The following ZMYM4 variants were observed in gnomAD, a reference collection of about 807,000 sequenced individuals.
ZMYM4 encodes zinc finger MYM-type containing 4.
A neutral mutation model predicts 183.2 loss-of-function variants in ZMYM4; 31 were observed. The observed-to-expected ratio is 0.17, with a 90% CI of 0.13 to 0.23. ZMYM4 has a LOEUF of 0.23. ZMYM4 is among the 10% of genes least tolerant of loss of function. ZMYM4 has a pLI of 1.00. For synonymous variants in ZMYM4, 592 were observed against 631.2 expected, an observed-to-expected ratio of 0.94 and a Z score of 0.93; for missense variants, 1,273 against 1,840.3, an observed-to-expected ratio of 0.69 and a Z score of 5.64.
intron 26 of ZMYM4, among the ~76,000 whole-genome samples, chr1:35,412,660 CT>C (rs1639960664): frequency 6.6e-6 from 1 of 151,866 alleles, no homozygotes; most frequent in South Asian, 2.1e-4. Flanking sequence ...GAATAGTCTA[CT>C]TTTTCTTTAT....
intron 27 of ZMYM4, among the ~76,000 whole-genome samples, chr1:35,414,287 T>C (rs1570557715): frequency 6.6e-6 from 1 of 152,228 alleles, no homozygotes; most frequent in East Asian, 1.9e-4. Context: ...AGATACTGAT[T>C]GCAGAAAATA....
intron 2 of ZMYM4, among the ~76,000 whole-genome samples, chr1:35,339,230 A>G (rs948799176): frequency 6.6e-6 from 1 of 151,980 alleles, no homozygotes; most frequent in Non-Finnish European, 1.5e-5. Context: ...CATAGCATTA[A>G]CATTATATTC....
In ZMYM4 at chr1:35,389,845, A is replaced by G; in HGVS notation, c.2437-103A>G. The G allele has an allele frequency of 8.2e-7, 1 of 1,222,566 alleles. No individual in the cohort carries two copies. The highest frequency in any genetic ancestry group is 2.5e-5 in the East Asian group (1 of 39,544). The allele number at this position is 1,222,566 out of a possible 1,614,324, so 75.7% of individuals were successfully genotyped here. A position where few individuals can be genotyped will look rare whatever the true frequency, so the allele number is the denominator to read the frequency against. On this transcript the variant is annotated intron_variant, in intron 14 of 29. Transcript: ENST00000314607. This position sits in a 1 kb window ranked among gnomAD's most constrained non-coding sequence, Gnocchi z 4.0. ...TAAAGACAAACTAATTTTTTGATCT[A>G]AATTCTAAGTTAATTTCGTCACTTG...
At chr1:35,355,663 G>C (rs184591257) in intron 2 of ZMYM4, among the ~76,000 whole-genome samples, 11 of 151,950 alleles carry the variant, frequency 7.2e-5, no homozygotes, top group Admixed American at 7.2e-4. Flanking sequence ...AGTCACATTT[G>C]ATCTTTTATA....
chr1:35,354,302 T>C (rs1270690441), intron 2 of ZMYM4, among the ~76,000 whole-genome samples: 1 of 152,246 alleles, frequency 6.6e-6, no homozygotes, highest in Non-Finnish European at 1.5e-5. Context: ...AATATTCCAT[T>C]AGAGGTATGT....
At position 35,396,420 on chromosome 1, in the gene ZMYM4, A is replaced by T. The variant is rs369039558; in HGVS notation, c.2912-132A>T. The T allele has an allele frequency of 2.0e-3, 2,546 of 1,246,144 alleles. 11 individuals are homozygous for T. Among genetic ancestry groups the T allele is most frequent in the South Asian group, 5.2e-3 (298 of 57,170 alleles). The allele number at this position is 1,246,144 out of a possible 1,614,324, so 77.2% of individuals were successfully genotyped here. A position where few individuals can be genotyped will look rare whatever the true frequency, so the allele number is the denominator to read the frequency against. ...GCTACTTTAGTTATTTCTCCTTTGT[A>T]AGAAGTCCTGTAGTGTCATAGGTTA... is the stretch of plus-strand genomic sequence containing the variant. On this transcript the variant is annotated intron_variant, in intron 18 of 29. Coordinates refer to ENST00000314607, the MANE Select transcript of ZMYM4 (RefSeq NM_005095.3).
chr1:35,355,254 A>G (rs1643780968), intron 2 of ZMYM4, among the ~76,000 whole-genome samples: 1 of 121,224 alleles, frequency 8.2e-6, no homozygotes. Flanking sequence ...TCACTGTGTT[A>G]GCCAGGATGG....
chr1:35,283,999 T>G (rs57477146), intron 1 of ZMYM4, among the ~76,000 whole-genome samples: 127 of 151,962 alleles, frequency 8.4e-4, no homozygotes, highest in African/African-American at 3.0e-3. Context: ...AGACGGAGTC[T>G]CGCTCTGTCG....
chr1:35,406,233 G>C (rs1645000444), intron 25 of ZMYM4, among the ~76,000 whole-genome samples: 1 of 152,180 alleles, frequency 6.6e-6, no homozygotes, highest in Non-Finnish European at 1.5e-5. Context: ...AGTTGCTGCT[G>C]TGGGCAGTGA....
At chr1:35,296,642 C>G (rs1641026084) in intron 1 of ZMYM4, among the ~76,000 whole-genome samples, 1 of 152,048 alleles carries the variant, frequency 6.6e-6, no homozygotes, top group South Asian at 2.1e-4. Flanking sequence ...AATGAACGTC[C>G]TCCTGTAGGG....
At chr1:35,289,302 T>G (rs1479582922) in intron 1 of ZMYM4, among the ~76,000 whole-genome samples, 2 of 152,182 alleles carry the variant, frequency 1.3e-5, no homozygotes, top group Admixed American at 6.5e-5. Context: ...ATTGGTATAA[T>G]TCAGGTATGA....
chr1:35,288,926 C>T (rs149876428), intron 1 of ZMYM4, among the ~76,000 whole-genome samples: 39 of 152,176 alleles, frequency 2.6e-4, no homozygotes, highest in African/African-American at 8.2e-4. Flanking sequence ...ACTCTGTCTC[C>T]AGTAGAACAA....
chr1:35,341,335 C>T (rs1341808763), intron 2 of ZMYM4, among the ~76,000 whole-genome samples: 1 of 151,902 alleles, frequency 6.6e-6, no homozygotes, highest in African/African-American at 2.4e-5. Flanking sequence ...TACTTTTGGG[C>T]AGAATCAATA....
intron 1 of ZMYM4, among the ~76,000 whole-genome samples, chr1:35,305,602 G>C (rs1641500489): frequency 1.3e-5 from 2 of 151,664 alleles, no homozygotes; most frequent in Non-Finnish European, 1.5e-5. Context: ...GGAGTGCAGT[G>C]GCGTAATCAT....
rs1644594238 is a variant in ZMYM4, at chr1:35,387,081, A to G, written c.1915A>G (p.Thr639Ala). Residue 639 changes from threonine to alanine, a missense_variant, in exon 12 of 30, where the codon ACA (threonine) becomes GCA (alanine). By Grantham distance (58) the Thr-to-Ala change is moderately conservative. Coordinates refer to ENST00000314607, the MANE Select transcript of ZMYM4 (RefSeq NM_005095.3). ...SQGQVIVSIP[T>A]GSTVSAGGGS... is the part of the protein sequence containing the mutation. The stretch of plus-strand genomic sequence containing the variant: ...GGGCCAAGTAATTGTAAGCATCCCC[A>G]CAGGTTCCACAGTGTCAGCCGGAGG... 1 of 1,614,220 alleles carries G rather than the reference A, an allele frequency of 6.2e-7. No individual in the cohort carries two copies. Among genetic ancestry groups the G allele is most frequent in the South Asian group, 1.1e-5 (1 of 91,086 alleles).
intron 13 of ZMYM4, among the ~76,000 whole-genome samples, chr1:35,388,171 A>G (rs6703358): frequency 0.065 from 9,926 of 152,272 alleles, 938 homozygotes; most frequent in East Asian, 0.44. Flanking sequence ...GTGACCCAGT[A>G]TATTTTCACA....
intron 1 of ZMYM4, among the ~76,000 whole-genome samples, chr1:35,302,154 T>C (rs1413078391): frequency 1.3e-5 from 2 of 151,514 alleles, no homozygotes; most frequent in African/African-American, 2.4e-5. Flanking sequence ...CAAATTCTAG[T>C]CGGTAGCCTA....
In ZMYM4 at chr1:35,389,148, A is replaced by T; in HGVS notation, c.2436+66A>T. 1 of 1,475,398 alleles carries T rather than the reference A, an allele frequency of 6.8e-7. No individual in the cohort carries two copies. Among genetic ancestry groups the T allele is most frequent in the Non-Finnish European group, 9.1e-7 (1 of 1,095,762 alleles). The allele number at this position is 1,475,398 out of a possible 1,614,324, so 91.4% of individuals were successfully genotyped here. On this transcript the variant is annotated intron_variant, in intron 14 of 29. Coordinates refer to ENST00000314607, the MANE Select transcript of ZMYM4 (RefSeq NM_005095.3). The surrounding 1 kb of genome is among the most constrained non-coding windows in gnomAD (Gnocchi z 4.0). ...ATAAATTATTCCCTTTTAAAATTTC[A>T]TGTCACATAAAGGACAATTTAATTA...
chr1:35,416,050 A>G (rs12046723), intron 28 of ZMYM4, among the ~76,000 whole-genome samples: 11,395 of 152,296 alleles, frequency 0.075, 1,098 homozygotes, highest in African/African-American at 0.22. Flanking sequence ...GTCAATCACT[A>G]GTTAAACGAA....
Sources: allele counts gnomAD v4.1 joint callset (sites outside exome capture counted in the v4.1 genomes callset), GRCh38; gene constraint gnomAD v4.1.1; non-coding constraint Gnocchi (gnomAD v3.1); transcripts MANE v1.5; gene names NCBI Gene and HGNC (gene_info 2026-07-23, HGNC 2026-07-21).